MLPH: variants seen among roughly 807,000 people sequenced by gnomAD.
MLPH encodes the protein melanophilin, also known as exophilin-3.
A neutral mutation model predicts 72.1 loss-of-function variants in MLPH; 51 were observed. That is an observed-to-expected ratio of 0.71 (90% CI 0.56 to 0.89). The LOEUF (loss-of-function observed/expected upper bound fraction) is 0.89. MLPH is among the 40% of genes least tolerant of loss of function. MLPH has a pLI of 0.00. For missense variants in MLPH, 743 were observed against 759.9 expected (o/e 0.98, Z 0.26); for synonymous variants, 301 against 310.1 (o/e 0.97, Z 0.31).
chr2:237,552,955 G>A lies in MLPH; in HGVS notation c.1776+518G>A, dbSNP rs577973039. ...GTGTGTGTGTTACCACAACGAAAGC[G>A]CAGATTTATTGAAAAGAAAGTGCAC... On this transcript the variant is annotated intron_variant, in intron 15 of 15. Transcript: ENST00000264605. 145 of 371,802 alleles carry A rather than the reference G, an allele frequency of 3.9e-4. 3 individuals carry two copies. Among genetic ancestry groups the A allele is most frequent in the South Asian group, 2.8e-3 (134 of 48,528 alleles). 23.0% of individuals were successfully genotyped at this position (371,802 alleles called of 1,614,324 possible).
intron 12 of MLPH, among the ~76,000 whole-genome samples, chr2:237,546,170 C>T (rs1226236674): frequency 6.6e-6 from 1 of 152,176 alleles, no homozygotes; most frequent in Non-Finnish European, 1.5e-5. Flanking sequence ...TCTTGATCAG[C>T]CTTCCACTGA....
At chr2:237,501,664 TAAA>T (rs58268748) in intron 2 of MLPH, among the ~76,000 whole-genome samples, 1 of 63,558 alleles carries the variant, frequency 1.6e-5, no homozygotes. Context: ...ACGTCTCTAC[TAAA>T]AAAAAAAAAA....
chr2:237,497,195 C>T (rs547633861), intron 2 of MLPH, among the ~76,000 whole-genome samples: 1 of 152,296 alleles, frequency 6.6e-6, no homozygotes, highest in East Asian at 1.9e-4. Context: ...GGAGGCGGAG[C>T]TCAGGCGGGA....
intron 11 of MLPH, 58 bp from the exon 12 acceptor site, chr2:237,542,509 T>G: frequency 7.3e-7 from 1 of 1,361,346 alleles, no homozygotes; most frequent in Non-Finnish European, 1.0e-6. Context: ...GTCCATGACT[T>G]TGAGGCGGGA....
chr2:237,526,653 G>C (rs1000129199), intron 7 of MLPH, among the ~76,000 whole-genome samples: 1 of 152,204 alleles, frequency 6.6e-6, no homozygotes, highest in Non-Finnish European at 1.5e-5. Flanking sequence ...AGAGGCCATC[G>C]TGCTGGGAGA....
intron 7 of MLPH, among the ~76,000 whole-genome samples, chr2:237,526,844 A>T (rs1182001107): frequency 2.0e-5 from 3 of 152,240 alleles, no homozygotes; most frequent in Non-Finnish European, 2.9e-5. Context: ...ATAATGCAAC[A>T]TCCAATCTGC....
intron 2 of MLPH, among the ~76,000 whole-genome samples, chr2:237,502,654 G>T (rs144942541): frequency 2.6e-5 from 4 of 152,268 alleles, no homozygotes; most frequent in African/African-American, 9.6e-5. Flanking sequence ...GGAACACCCT[G>T]TTTTAAAGGA....
chr2:237,515,317 A>G (rs1348994088), intron 4 of MLPH, among the ~76,000 whole-genome samples: 1 of 152,200 alleles, frequency 6.6e-6, no homozygotes, highest in African/African-American at 2.4e-5. Context: ...AATGCTCGCC[A>G]GGTGCCGGGT....
At chr2:237,534,541 C>G in intron 8 of MLPH, 23 bp from the exon 9 acceptor site, 1 of 1,605,646 alleles carries the variant, frequency 6.2e-7, no homozygotes, top group Non-Finnish European at 8.5e-7. Flanking sequence ...CCTCTGCCCA[C>G]TGTTTCTCTC....
chr2:237,517,713 ATGG>A (rs2080075447), intron 4 of MLPH, among the ~76,000 whole-genome samples: 1 of 130,290 alleles, frequency 7.7e-6, no homozygotes, highest in African/African-American at 2.9e-5. Context: ...GGATGGATGG[ATGG>A]ATAAGTAAGT....
Position 237,551,385 on chromosome 2 carries a change from C to T in MLPH, c.1676-952C>T, listed in dbSNP as rs118145847. Among the ~76,000 whole-genome samples the T allele has an allele frequency of 5.0e-3, 765 of 152,370 alleles. 32 individuals are homozygous for T. In the East Asian group the frequency reaches 0.097, roughly 19 times the overall value. On this transcript the variant is annotated intron_variant, in intron 14 of 15. Transcript: ENST00000264605. Reference sequence around the variant, plus strand: ...CTGTAGCATGTGCCAGGTTCTGTGGCGTAAATGCTCCCACCCTGGCTGATC... The same window carrying T: ...CTGTAGCATGTGCCAGGTTCTGTGGTGTAAATGCTCCCACCCTGGCTGATC...
intron 13 of MLPH, among the ~76,000 whole-genome samples, chr2:237,548,751 C>T (rs535865090): frequency 3.3e-4 from 50 of 152,276 alleles, no homozygotes; most frequent in Non-Finnish European, 5.1e-4. Context: ...TGGTGGCGGG[C>T]GCCTGTAGGC....
rs769635144 is a variant in MLPH, at chr2:237,527,426, T to C, written c.930T>C (p.Asp310=). 27 of 1,614,092 alleles carry C rather than the reference T, an allele frequency of 1.7e-5. No individual in the cohort carries two copies. The East Asian group carries it at 2.7e-4, about 16-fold the overall frequency. The change falls in exon 8 of 16, where the codon GAT becomes GAC. Residue 310 remains aspartate, a synonymous_variant. Coordinates refer to ENST00000264605, the MANE Select transcript of MLPH (RefSeq NM_024101.7). ...NEQLPLQYLA[D]VDTSDEESIR... ...AGCTGCCCCTGCAGTACTTGGCCGATGTGGACACCTCTGATGAGGAAAGCA... is the reference window on the plus strand; with the variant it reads ...AGCTGCCCCTGCAGTACTTGGCCGACGTGGACACCTCTGATGAGGAAAGCA...
At chr2:237,518,412 T>A in intron 4 of MLPH, 127 bp from the exon 5 acceptor site, 1 of 761,128 alleles carries the variant, frequency 1.3e-6, no homozygotes, top group Non-Finnish European at 2.3e-6. Flanking sequence ...GGTGGGTGAA[T>A]GGATGAAGGA....
chr2:237,549,411 T>G, intron 14 of MLPH, 133 bp downstream of exon 14: 2 of 926,788 alleles, frequency 2.2e-6, no homozygotes, highest in Non-Finnish European at 3.6e-6. Flanking sequence ...CCAAAAAACA[T>G]TCCCAGTGCC....
chr2:237,545,200 T>TGA (rs1553602680), intron 12 of MLPH, among the ~76,000 whole-genome samples: 12 of 12,778 alleles, frequency 9.4e-4, no homozygotes, highest in South Asian at 7.1e-3. Flanking sequence ...CAGTGGTGAG[T>TGA]GGGGACAGTG....
Position 237,541,064 on chromosome 2 carries a change from C to A in MLPH, c.1446+107C>A. 1.4e-6 allele frequency: 2 copies of A among 1,414,058 alleles called. No individual in the cohort carries two copies. The highest frequency in any genetic ancestry group is 2.5e-5 in the East Asian group (1 of 40,212). The allele number at this position is 1,414,058 out of a possible 1,614,324, so 87.6% of individuals were successfully genotyped here. ...CTAACATCCGCCAGCTCACACTGAGCCCTCCCCATTGGCCCAGCATGCACG... is the reference window on the plus strand; with the variant it reads ...CTAACATCCGCCAGCTCACACTGAGACCTCCCCATTGGCCCAGCATGCACG... On this transcript the variant is annotated intron_variant, in intron 11 of 15. Coordinates refer to ENST00000264605, the MANE Select transcript of MLPH (RefSeq NM_024101.7). The surrounding 1 kb of genome is among the most constrained non-coding windows in gnomAD (Gnocchi z 5.1).
At chr2:237,515,029 A>G (rs781623334) in intron 4 of MLPH, among the ~76,000 whole-genome samples, 1 of 152,210 alleles carries the variant, frequency 6.6e-6, no homozygotes, top group Non-Finnish European at 1.5e-5. Context: ...CAGTTTTGCC[A>G]ACTGGTTGAC....
chr2:237,545,751 C>T, intron 12 of MLPH: 2 of 889,554 alleles, frequency 2.2e-6, no homozygotes, highest in Non-Finnish European at 2.9e-6. Context: ...TAGGAGAGTC[C>T]CAGATAGGGT....
Sources: gnomAD v4.1 joint callset for allele counts (sites outside exome capture counted in the v4.1 genomes callset) on GRCh38, gnomAD v4.1.1 for gene constraint, Gnocchi (gnomAD v3.1) non-coding constraint, MANE v1.5 for transcripts, NCBI Gene and HGNC (gene_info 2026-07-23, HGNC 2026-07-21) for gene names.